STAT1: variants seen among roughly 807,000 people sequenced by gnomAD.
STAT1 encodes signal transducer and activator of transcription 1.
Under a neutral mutation model 111.7 loss-of-function variants are expected in STAT1, and 24 were observed. That is an observed-to-expected ratio of 0.21 (90% confidence interval 0.16 to 0.30). The LOEUF is 0.30. STAT1 is among the 10% of genes least tolerant of loss of function. The pLI is 1.00. For synonymous variants in STAT1, 332 were observed against 326.5 expected, an observed-to-expected ratio of 1.02 and a Z score of -0.18; for missense variants, 351 against 911.9, an observed-to-expected ratio of 0.38 and a Z score of 7.92.
rs538649034 is a variant in STAT1, at chr2:191,003,143, G to T, written c.373-1980C>A. ...TCATCAAAGTTATTCTCTCTTCATA[G>T]GAAGTTTTCCTTCATGTTACATATT... is the stretch of plus-strand genomic sequence containing the variant. On this transcript the variant is annotated intron_variant, in intron 5 of 24. Coordinates refer to ENST00000361099, the MANE Select transcript of STAT1 (RefSeq NM_007315.4). The surrounding 1 kb of genome is among the most constrained non-coding windows in gnomAD (Gnocchi z 4.0). Among the ~76,000 whole-genome samples the T allele has an allele frequency of 2.1e-4, 32 of 152,118 alleles. No homozygotes were observed. The highest frequency in any genetic ancestry group is 7.5e-4 in the African/African-American group (31 of 41,490).
In STAT1 at chr2:190,976,787, C is replaced by G. The variant is rs1559005767; in HGVS notation, c.2059+53G>C. On this transcript the variant is annotated intron_variant, in intron 22 of 24. Coordinates refer to ENST00000361099, the MANE Select transcript of STAT1 (RefSeq NM_007315.4). This position sits in a 1 kb window ranked among gnomAD's most constrained non-coding sequence, Gnocchi z 6.0. ...TGGGTGGAGTTTCAGAATAATCACC[C>G]CCTCATCAGGAAAGACTGTGCCACG... is the stretch of plus-strand genomic sequence containing the variant. The G allele has an allele frequency of 2.0e-6, 3 of 1,478,874 alleles. No homozygotes were observed. Among genetic ancestry groups the G allele is most frequent in the Non-Finnish European group, 2.8e-6 (3 of 1,057,288 alleles). The allele number at this position is 1,478,874 out of a possible 1,614,324, so 91.6% of individuals were successfully genotyped here. A position where few individuals can be genotyped will look rare whatever the true frequency, so the allele number is the denominator to read the frequency against.
In STAT1 at chr2:191,008,998, G is replaced by A. The variant is rs1230312731; in HGVS notation, c.238C>T (p.Gln80Ter). The A allele has an allele frequency of 6.2e-7, 1 of 1,613,666 alleles. No homozygotes were observed. The highest frequency in any genetic ancestry group is 1.1e-5 in the South Asian group (1 of 91,064). ...CGCTTGCTTTTCCTTATGTTATGCT[G>A]TAGCAAGAAGTTATTCTCCAAAGAA... ...RFSLENNFLL[Q>*]HNIRKSKRNL... Residue 80 changes from glutamine to a stop codon, truncating the protein, a stop_gained, in exon 4 of 25, where the codon CAG (glutamine) becomes TAG (stop). Coordinates refer to ENST00000361099, the MANE Select transcript of STAT1 (RefSeq NM_007315.4). LOFTEE classifies it high-confidence loss of function.
At position 190,971,258 on chromosome 2, in the gene STAT1, C is replaced by A. The variant is rs1171979581; in HGVS notation, c.2239-541G>T. 3.4e-4 allele frequency among the ~76,000 whole-genome samples: 52 copies of A among 152,204 alleles called. No homozygotes were observed. ...AACTTATAGTAAGTAAACTGTTCAT[C>A]CAAAGGATACTAGCCTGCCAGTGAC... On this transcript the variant is annotated intron_variant, in intron 24 of 24. Coordinates refer to ENST00000361099, the MANE Select transcript of STAT1 (RefSeq NM_007315.4). This position sits in a 1 kb window ranked among gnomAD's most constrained non-coding sequence, Gnocchi z 4.1.
chr2:191,005,289 C>T (rs1335311107), intron 5 of STAT1, among the ~76,000 whole-genome samples: 1 of 152,168 alleles, frequency 6.6e-6, no homozygotes, highest in African/African-American at 2.4e-5. Context: ...GAAGCAAATA[C>T]CAGACATCAC....
Position 190,974,493 on chromosome 2 carries a change from C to T in STAT1, c.2238+337G>A, listed in dbSNP as rs186187908. On this transcript the variant is annotated intron_variant, in intron 24 of 24. Transcript: ENST00000361099. The surrounding 1 kb of genome is among the most constrained non-coding windows in gnomAD (Gnocchi z 4.8). ...TAGACACAGTGATGAAATCGCATTC[C>T]GAAGAAAAACATTTGCTTATCAAAG... Among the ~76,000 whole-genome samples, 1 of 152,258 alleles carries T rather than the reference C, an allele frequency of 6.6e-6. No individual in the cohort carries two copies. The highest frequency in any genetic ancestry group is 1.9e-4 in the East Asian group (1 of 5,184).
rs767018697 is a variant in STAT1 at position 190,999,710 on chromosome 2, A to G, written c.463-6T>C. On this transcript the variant is annotated splice_region_variant and splice_polypyrimidine_tract_variant and intron_variant, in intron 6 of 24. Transcript: ENST00000361099. The surrounding 1 kb of genome is among the most constrained non-coding windows in gnomAD (Gnocchi z 4.1). Reference sequence around the variant, plus strand: ...TTGATTTCATGCTCTATACACTACAAACAAAGATGTAAACATGTTTTCTAC... The same window carrying G: ...TTGATTTCATGCTCTATACACTACAGACAAAGATGTAAACATGTTTTCTAC... 1 of 1,605,012 alleles carries G rather than the reference A, an allele frequency of 6.2e-7. No homozygotes were observed. The highest frequency in any genetic ancestry group is 8.5e-7 in the Non-Finnish European group (1 of 1,171,964).
In STAT1 at chr2:190,999,436, A is replaced by G. The variant is rs1168132999; in HGVS notation, c.541+190T>C. ...CTGTTAAACACGCTACAATGCCAGG[A>G]CAGCCCCAACAACAAATTAGCCCGA... On this transcript the variant is annotated intron_variant, in intron 7 of 24. Transcript: ENST00000361099. This position sits in a 1 kb window ranked among gnomAD's most constrained non-coding sequence, Gnocchi z 4.1. Among the ~76,000 whole-genome samples the G allele has an allele frequency of 2.6e-5, 4 of 152,186 alleles. No individual in the cohort carries two copies. Among genetic ancestry groups the G allele is most frequent in the African/African-American group, 9.7e-5 (4 of 41,428 alleles).
chr2:191,008,124 AGCAATAATG>A (rs962586992), intron 4 of STAT1: 3 of 398,216 alleles, frequency 7.5e-6, no homozygotes, highest in African/African-American at 6.3e-5. Flanking sequence ...CACTACCAAT[AGCAATAATG>A]GCTCTTTATA....
In STAT1 at chr2:190,979,935, C is replaced by T; in HGVS notation, c.1633-69G>A. 4.6e-6 allele frequency: 5 copies of T among 1,075,976 alleles called. No individual in the cohort carries two copies. The highest frequency in any genetic ancestry group is 2.6e-5 in the South Asian group (2 of 77,644). 66.7% of individuals were successfully genotyped at this position (1,075,976 alleles called of 1,614,324 possible). On this transcript the variant is annotated intron_variant, in intron 19 of 24. Transcript: ENST00000361099. The surrounding 1 kb of genome is among the most constrained non-coding windows in gnomAD (Gnocchi z 5.8). ...CAATGACTTACCATGGCCCCTCCCA[C>T]CATCATTTGCAAAGACTCCCCAGGT... is the stretch of plus-strand genomic sequence containing the variant.
rs374725609 is a variant in STAT1 at position 190,980,300 on chromosome 2, C to T, written c.1632+320G>A. 1.8e-4 allele frequency among the ~76,000 whole-genome samples: 27 copies of T among 152,336 alleles called. 1 individual carries two copies. The highest frequency in any genetic ancestry group is 1.2e-3 in the East Asian group (6 of 5,184). ...TAAACTCGTCTGGCTGGTCAGGCTG[C>T]GCCACCCAGCCCACAACATACATTT... On this transcript the variant is annotated intron_variant, in intron 19 of 24. Transcript: ENST00000361099. The surrounding 1 kb of genome is among the most constrained non-coding windows in gnomAD (Gnocchi z 6.1).
In STAT1 at chr2:190,975,470, G is replaced by A. The variant is rs1273752651; in HGVS notation, c.2135+342C>T. The A allele has an allele frequency of 2.1e-6, 2 of 973,544 alleles. No homozygotes were observed. Among genetic ancestry groups the A allele is most frequent in the Non-Finnish European group, 3.0e-6 (2 of 674,914 alleles). The allele number at this position is 973,544 out of a possible 1,614,324, so 60.3% of individuals were successfully genotyped here. On this transcript the variant is annotated intron_variant, in intron 23 of 24. Transcript: ENST00000361099. This position sits in a 1 kb window ranked among gnomAD's most constrained non-coding sequence, Gnocchi z 5.9. ...ATGAAACAACAAAATCAAAGCAAGT[G>A]GAGACAGTGTATCTCAATCATTACT... is the stretch of plus-strand genomic sequence containing the variant.
Position 190,978,195 on chromosome 2 carries a change from CA to C in STAT1, c.1873+660del, listed in dbSNP as rs1399678701. Among the ~76,000 whole-genome samples the C allele has an allele frequency of 6.6e-6, 1 of 152,184 alleles. No individual in the cohort carries two copies. The highest frequency in any genetic ancestry group is 2.4e-5 in the African/African-American group (1 of 41,444). ...TCAGTTTTTCCTCCTGCCCTTCAAACAGACCAAACTCTAAACAACAGTGAAA... is the reference window on the plus strand; with the variant it reads ...TCAGTTTTTCCTCCTGCCCTTCAAACGACCAAACTCTAAACAACAGTGAAA... On this transcript the variant is annotated intron_variant, in intron 21 of 24. Coordinates refer to ENST00000361099, the MANE Select transcript of STAT1 (RefSeq NM_007315.4). This position sits in a 1 kb window ranked among gnomAD's most constrained non-coding sequence, Gnocchi z 6.1.
rs1694719494 is a variant in STAT1, at chr2:191,006,566, G to T, written c.372+997C>A. ...CACTGTCACACAGTTCACTTCGGTA[G>T]TTATTTGTTGGTGAAATGCACACAG... On this transcript the variant is annotated intron_variant, in intron 5 of 24. Coordinates refer to ENST00000361099, the MANE Select transcript of STAT1 (RefSeq NM_007315.4). This position sits in a 1 kb window ranked among gnomAD's most constrained non-coding sequence, Gnocchi z 4.6. Among the ~76,000 whole-genome samples, 1 of 152,190 alleles carries T rather than the reference G, an allele frequency of 6.6e-6. No individual in the cohort carries two copies. The highest frequency in any genetic ancestry group is 1.5e-5 in the Non-Finnish European group (1 of 68,042).
At position 190,979,337 on chromosome 2, in the gene STAT1, G is replaced by C. The variant is rs1287782437; in HGVS notation, c.1728-336C>G. 6.6e-6 allele frequency among the ~76,000 whole-genome samples: 1 copy of C among 152,122 alleles called. No individual in the cohort carries two copies. Among genetic ancestry groups the C allele is most frequent in the African/African-American group, 2.4e-5 (1 of 41,418 alleles). ...ATGTATACATCTTTTTTACTGGAGAGGAAGACCTAGGCAATATATTTTCAT... is the reference window on the plus strand; with the variant it reads ...ATGTATACATCTTTTTTACTGGAGACGAAGACCTAGGCAATATATTTTCAT... On this transcript the variant is annotated intron_variant, in intron 20 of 24. Coordinates refer to ENST00000361099, the MANE Select transcript of STAT1 (RefSeq NM_007315.4). The surrounding 1 kb of genome is among the most constrained non-coding windows in gnomAD (Gnocchi z 5.8).
chr2:190,976,696 A>C lies in STAT1; in HGVS notation c.2059+144T>G. 1 of 712,586 alleles carries C rather than the reference A, an allele frequency of 1.4e-6. No homozygotes were observed. Among genetic ancestry groups the C allele is most frequent in the Non-Finnish European group, 2.5e-6 (1 of 396,032 alleles). The allele number at this position is 712,586 out of a possible 1,614,324, so 44.1% of individuals were successfully genotyped here. On this transcript the variant is annotated intron_variant, in intron 22 of 24. Transcript: ENST00000361099. This position sits in a 1 kb window ranked among gnomAD's most constrained non-coding sequence, Gnocchi z 6.0. ...CAGGCCAAATAATGCATTATGTTTC[A>C]CCTGCACTGAGTTTATGCCATCTTT...
In STAT1 at chr2:190,973,552, T is replaced by C. The variant is rs1342871345; in HGVS notation, c.2238+1278A>G. ...GGAACAACAAAGGAGGTATAAAAAA[T>C]CCCCCCATTTTACAGTTCCTGTGAT... On this transcript the variant is annotated intron_variant, in intron 24 of 24. Coordinates refer to ENST00000361099, the MANE Select transcript of STAT1 (RefSeq NM_007315.4). This position sits in a 1 kb window ranked among gnomAD's most constrained non-coding sequence, Gnocchi z 4.4. Among the ~76,000 whole-genome samples the C allele has an allele frequency of 1.3e-5, 2 of 151,976 alleles. No homozygotes were observed. The highest frequency in any genetic ancestry group is 2.9e-5 in the Non-Finnish European group (2 of 67,976).
chr2:191,000,213 A>G lies in STAT1; in HGVS notation c.463-509T>C, dbSNP rs1210926447. Among the ~76,000 whole-genome samples, 1 of 152,236 alleles carries G rather than the reference A, an allele frequency of 6.6e-6. No individual in the cohort carries two copies. Among genetic ancestry groups the G allele is most frequent in the Non-Finnish European group, 1.5e-5 (1 of 68,036 alleles). Reference sequence around the variant, plus strand: ...CATCTGGACAATAAATTGTATGTTCATTCTACAAATAAGCCTCATTTGTTT... The same window carrying G: ...CATCTGGACAATAAATTGTATGTTCGTTCTACAAATAAGCCTCATTTGTTT... On this transcript the variant is annotated intron_variant, in intron 6 of 24. Coordinates refer to ENST00000361099, the MANE Select transcript of STAT1 (RefSeq NM_007315.4). The surrounding 1 kb of genome is among the most constrained non-coding windows in gnomAD (Gnocchi z 4.8).
Position 190,983,867 on chromosome 2 carries a change from G to C in STAT1, c.1348-127C>G, listed in dbSNP as rs1692577253. 6 of 804,432 alleles carry C rather than the reference G, an allele frequency of 7.5e-6. No homozygotes were observed. Among genetic ancestry groups the C allele is most frequent in the Middle Eastern group, 2.2e-4 (1 of 4,520 alleles). The allele number at this position is 804,432 out of a possible 1,614,324, so 49.8% of individuals were successfully genotyped here. A position where few individuals can be genotyped will look rare whatever the true frequency, so the allele number is the denominator to read the frequency against. On this transcript the variant is annotated intron_variant, in intron 16 of 24. Transcript: ENST00000361099. The surrounding 1 kb of genome is among the most constrained non-coding windows in gnomAD (Gnocchi z 5.7). ...GTACATATTTAATACTTGAAAATGAGAAGTGTTAAGTTCTGTTCTTCTGTC... is the reference window on the plus strand; with the variant it reads ...GTACATATTTAATACTTGAAAATGACAAGTGTTAAGTTCTGTTCTTCTGTC...
At chr2:190,988,001 C>T (rs909062259) in intron 12 of STAT1, among the ~76,000 whole-genome samples, 8 of 152,202 alleles carry the variant, frequency 5.3e-5, no homozygotes, top group African/African-American at 1.4e-4. Flanking sequence ...GCTGAGCTGA[C>T]GCAGAAGATG....
Sources: gnomAD v4.1 joint callset for allele counts (sites outside exome capture counted in the v4.1 genomes callset) on GRCh38, gnomAD v4.1.1 for gene constraint, Gnocchi (gnomAD v3.1) non-coding constraint, MANE v1.5 for transcripts, NCBI Gene and HGNC (gene_info 2026-07-23, HGNC 2026-07-21) for gene names.